The following MYO10 variants were observed in gnomAD, a reference collection of about 807,000 sequenced individuals.
MYO10 encodes the protein unconventional myosin-X.
A neutral mutation model predicts 257.3 loss-of-function variants in MYO10; 133 were observed. The observed-to-expected ratio is 0.52, with a 90% CI of 0.45 to 0.60. The LOEUF (loss-of-function observed/expected upper bound fraction) is 0.60. Among genes scored for constraint, MYO10 ranks in the 20% least tolerant of loss-of-function variants. MYO10 has a pLI of 0.00. For synonymous variants in MYO10, 1,104 were observed against 1,028.6 expected (o/e 1.07, Z -1.40); for missense variants, 2,399 against 2,635.7 (o/e 0.91, Z 1.97).
chr5:16,686,262 G>C (rs767936499), intron 28 of MYO10, among the ~76,000 whole-genome samples: 1 of 152,102 alleles, frequency 6.6e-6, no homozygotes, highest in Admixed American at 6.5e-5. Flanking sequence ...TAAATTTTAA[G>C]GTGAGAAGAT....
chr5:16,751,856 A>G (rs1316411141), intron 19 of MYO10, among the ~76,000 whole-genome samples: 1 of 152,206 alleles, frequency 6.6e-6, no homozygotes, highest in East Asian at 1.9e-4. Context: ...GTTATTAATT[A>G]GTGTCTGCCA....
At chr5:16,703,960 A>G (rs760490594) in intron 22 of MYO10, among the ~76,000 whole-genome samples, 4 of 151,356 alleles carry the variant, frequency 2.6e-5, no homozygotes, top group Non-Finnish European at 4.4e-5. Context: ...AGCCAAAATG[A>G]TAACACCAAG....
In MYO10 at chr5:16,663,230, G is replaced by A. The variant is rs1736036804; in HGVS notation, c.*3462C>T. On this transcript the variant is annotated 3_prime_UTR_variant, in exon 41 of 41. Transcript: ENST00000513610. ...ATTGGACAGCTTAAATTATTTTTGA[G>A]AGAATATTCAATAAAACAGTAAAAA... 1 of 149,240 alleles carries A rather than the reference G, an allele frequency of 6.7e-6. No individual in the cohort carries two copies. The highest frequency in any genetic ancestry group is 1.5e-5 in the Non-Finnish European group (1 of 67,602). 9.2% of individuals were successfully genotyped at this position (149,240 alleles called of 1,614,324 possible). A position where few individuals can be genotyped will look rare whatever the true frequency, so the allele number is the denominator to read the frequency against.
intron 1 of MYO10, among the ~76,000 whole-genome samples, chr5:16,923,887 C>T (rs369836867): frequency 2.6e-5 from 4 of 152,088 alleles, no homozygotes; most frequent in African/African-American, 7.2e-5. Context: ...CTCAGGAGTT[C>T]GAGACCAGCC....
intron 1 of MYO10, among the ~76,000 whole-genome samples, chr5:16,913,451 C>G (rs1408350354): frequency 6.6e-6 from 1 of 152,202 alleles, no homozygotes; most frequent in Non-Finnish European, 1.5e-5. Flanking sequence ...AAGCTCAAGA[C>G]TGAATGATTA....
Position 16,763,471 on chromosome 5 carries a change from A to T in MYO10, c.1494+10T>A. The stretch of plus-strand genomic sequence containing the variant: ...CTTGGGACTGTAACCATTCTTCAAA[A>T]ATACATTACCTTCTCAATCAAGTCC... On this transcript the variant is annotated intron_variant, in intron 14 of 40. Transcript: ENST00000513610. 2 of 1,604,900 alleles carry T rather than the reference A, an allele frequency of 1.2e-6. No individual in the cohort carries two copies. Among genetic ancestry groups the T allele is most frequent in the Non-Finnish European group, 1.7e-6 (2 of 1,171,632 alleles).
chr5:16,770,114 C>A (rs1741000562), intron 9 of MYO10, among the ~76,000 whole-genome samples: 1 of 152,092 alleles, frequency 6.6e-6, no homozygotes, highest in African/African-American at 2.4e-5. Flanking sequence ...CACCTGCAGT[C>A]CCAGCTCCTG....
In MYO10 at chr5:16,663,325, G is replaced by GTTGT. The variant is rs1736040193; in HGVS notation, c.*3363_*3366dup. 1 of 41,304 alleles carries GTTGT rather than the reference G, an allele frequency of 2.4e-5. No homozygotes were observed. The highest frequency in any genetic ancestry group is 1.3e-4 in the African/African-American group (1 of 7,416). The allele number at this position is 41,304 out of a possible 1,614,324, so 2.6% of individuals were successfully genotyped here. ...GGAAAAAAGTAACATTTTACTTCTA[G>GTTGT]TTGTTTTTTTTTTTTTTTTTTTTTT... On this transcript the variant is annotated 3_prime_UTR_variant, in exon 41 of 41. Coordinates refer to ENST00000513610, the MANE Select transcript of MYO10 (RefSeq NM_012334.3).
At chr5:16,859,653 A>G (rs142720888) in intron 2 of MYO10, among the ~76,000 whole-genome samples, 1,956 of 152,316 alleles carry the variant, frequency 0.013, 17 homozygotes, top group Middle Eastern at 0.02. Flanking sequence ...AGGCTGAGAC[A>G]GGAGGATCAC....
intron 19 of MYO10, among the ~76,000 whole-genome samples, chr5:16,733,377 A>C (rs1739663368): frequency 1.3e-5 from 2 of 152,142 alleles, no homozygotes; most frequent in Non-Finnish European, 2.9e-5. Context: ...AGCTAAGAAA[A>C]GAGTTACTTC....
At chr5:16,866,955 C>G (rs540988948) in intron 2 of MYO10, among the ~76,000 whole-genome samples, 1 of 152,194 alleles carries the variant, frequency 6.6e-6, no homozygotes, top group East Asian at 1.9e-4. Context: ...GCCAGCTGCC[C>G]GACCTGGAGA....
chr5:16,874,045 G>A (rs1284541923), intron 2 of MYO10, among the ~76,000 whole-genome samples: 1 of 152,120 alleles, frequency 6.6e-6, no homozygotes, highest in Admixed American at 6.6e-5. Context: ...CCAGAAAATG[G>A]GATTTTCGAC....
chr5:16,916,254 G>A, intron 1 of MYO10: 1 of 415,212 alleles, frequency 2.4e-6, no homozygotes. Context: ...AGATAGTGGT[G>A]CAGACTCGTG....
intron 19 of MYO10, among the ~76,000 whole-genome samples, chr5:16,741,114 G>A (rs556499796): frequency 1.4e-4 from 21 of 152,166 alleles, no homozygotes; most frequent in Admixed American, 9.8e-4. Flanking sequence ...TTCCTCCATC[G>A]GGGGGAGGCA....
intron 4 of MYO10, among the ~76,000 whole-genome samples, chr5:16,793,790 T>C (rs1461075680): frequency 1.3e-5 from 2 of 151,480 alleles, no homozygotes; most frequent in African/African-American, 2.4e-5. Flanking sequence ...TTAGCTGGGG[T>C]GGTGGCGACG....
rs147458438 is a variant in MYO10, at chr5:16,868,163, T to C, written c.120+9446A>G. On this transcript the variant is annotated intron_variant, in intron 2 of 40. Coordinates refer to ENST00000513610, the MANE Select transcript of MYO10 (RefSeq NM_012334.3). Reference sequence around the variant, plus strand: ...GGTGAAAAATCTAATTTAAAACTTATTAATCAATTTTACAATGTTCCTAAA... The same window carrying C: ...GGTGAAAAATCTAATTTAAAACTTACTAATCAATTTTACAATGTTCCTAAA... 3.3e-3 allele frequency among the ~76,000 whole-genome samples: 499 copies of C among 152,362 alleles called. 4 individuals are homozygous for C. Among genetic ancestry groups the C allele is most frequent in the African/African-American group, 0.012 (484 of 41,584 alleles).
chr5:16,672,867 G>C (rs755536316), intron 36 of MYO10, 42 bp from the exon 37 acceptor site: 2 of 1,596,096 alleles, frequency 1.3e-6, no homozygotes, highest in Admixed American at 1.7e-5. Context: ...ACAGGCTGCG[G>C]CCCCAACACG....
Position 16,780,495 on chromosome 5 carries a change from C to G in MYO10, c.826+29G>C. ...TTTAAATGGAAAATGAGTTGCTAGT[C>G]CACATTATCCAGCTGTCGTCCCACT... is the stretch of plus-strand genomic sequence containing the variant. On this transcript the variant is annotated intron_variant, in intron 8 of 40. Coordinates refer to ENST00000513610, the MANE Select transcript of MYO10 (RefSeq NM_012334.3). 2.6e-6 allele frequency: 4 copies of G among 1,519,622 alleles called. No individual in the cohort carries two copies. In the South Asian group the frequency reaches 4.8e-5, roughly 18 times the overall value. The allele number at this position is 1,519,622 out of a possible 1,614,324, so 94.1% of individuals were successfully genotyped here. A position where few individuals can be genotyped will look rare whatever the true frequency, so the allele number is the denominator to read the frequency against.
chr5:16,786,981 G>A (rs897389101), intron 4 of MYO10, among the ~76,000 whole-genome samples: 12 of 152,072 alleles, frequency 7.9e-5, no homozygotes, highest in African/African-American at 2.2e-4. Flanking sequence ...CCAGCCTGGC[G>A]AACATGGTGA....
Sources: allele counts gnomAD v4.1 joint callset (sites outside exome capture counted in the v4.1 genomes callset), GRCh38; gene constraint gnomAD v4.1.1; transcripts MANE v1.5; gene names NCBI Gene and HGNC (gene_info 2026-07-23, HGNC 2026-07-21).